PRELID2: variants seen among roughly 807,000 people sequenced by gnomAD.
PRELID2 encodes the protein PRELI domain-containing protein 2.
In PRELID2, 25 loss-of-function variants were observed where a neutral mutation model predicts 28.4. The ratio of observed to expected loss-of-function variants is 0.88; its 90% CI spans 0.64 to 1.23. The LOEUF is 1.23. Among genes scored for constraint, PRELID2 ranks in the 50% most tolerant of loss-of-function variants. The pLI is 0.00. For missense variants in PRELID2, 201 were observed against 214.4 expected (o/e 0.94, Z 0.39); for synonymous variants, 76 against 71.6 (o/e 1.06, Z -0.31).
chr5:145,487,472 T>C (rs1160773918), intron 1 of PRELID2, among the ~76,000 whole-genome samples: 1 of 152,194 alleles, frequency 6.6e-6, no homozygotes, highest in Non-Finnish European at 1.5e-5. Flanking sequence ...AGTAGTATCT[T>C]CCTCCAATAA....
chr5:145,624,247 T>G (rs1753814605), intron 1 of PRELID2, among the ~76,000 whole-genome samples: 1 of 152,158 alleles, frequency 6.6e-6, no homozygotes, highest in Non-Finnish European at 1.5e-5. Flanking sequence ...TCAGGAGTTT[T>G]TATGGCAGTT....
At chr5:145,656,723 A>G (rs2149674567) in intron 1 of PRELID2, among the ~76,000 whole-genome samples, 1 of 132,014 alleles carries the variant, frequency 7.6e-6, no homozygotes, top group Non-Finnish European at 1.6e-5. Flanking sequence ...GGACACAGGA[A>G]GGGGAACATC....
chr5:145,771,152 C>G (rs961786545), intron 5 of PRELID2, among the ~76,000 whole-genome samples: 3 of 151,806 alleles, frequency 2.0e-5, no homozygotes, highest in Non-Finnish European at 4.4e-5. Flanking sequence ...CATATGTTTA[C>G]TCTACTGTTT....
the PRELID2 span, among the ~76,000 whole-genome samples, chr5:145,335,481 A>G: frequency 6.6e-6 from 1 of 152,020 alleles, no homozygotes; most frequent in African/African-American, 2.4e-5. Context: ...CTTTAATGTC[A>G]ATTACTAAAA....
chr5:145,374,810 T>C, the PRELID2 span, among the ~76,000 whole-genome samples: 1 of 152,182 alleles, frequency 6.6e-6, no homozygotes, highest in Admixed American at 6.5e-5. Flanking sequence ...GAAGTTCTTG[T>C]TCTGTGTTTT....
chr5:145,522,081 A>T (rs1752567102), intron 1 of PRELID2, among the ~76,000 whole-genome samples: 1 of 152,192 alleles, frequency 6.6e-6, no homozygotes, highest in Non-Finnish European at 1.5e-5. Context: ...TGTACCTCCC[A>T]TCAAAAGATA....
At chr5:145,787,387 T>G (rs1465847669) in intron 5 of PRELID2, among the ~76,000 whole-genome samples, 1 of 152,108 alleles carries the variant, frequency 6.6e-6, no homozygotes, top group Non-Finnish European at 1.5e-5. Context: ...GTTTGGAAAT[T>G]TTTGGTTTGA....
chr5:145,601,795 T>C (rs62394191), intron 1 of PRELID2, among the ~76,000 whole-genome samples: 29,355 of 152,116 alleles, frequency 0.19, 5,014 homozygotes, highest in African/African-American at 0.45. Context: ...AAGTAACTTA[T>C]TGAGAGATAA....
At chr5:145,369,940 C>T in the PRELID2 span, among the ~76,000 whole-genome samples, 2 of 149,354 alleles carry the variant, frequency 1.3e-5, no homozygotes, top group Admixed American at 1.3e-4. Flanking sequence ...TGTTCATATA[C>T]TTTGCCCACG....
At chr5:145,765,057 C>T (rs1757665667) in intron 5 of PRELID2, 57 bp from the exon 6 acceptor site, 2 of 1,185,726 alleles carry the variant, frequency 1.7e-6, no homozygotes, top group Non-Finnish European at 2.4e-6. Flanking sequence ...AGTACTTTTA[C>T]ATTTATCACA....
At chr5:145,506,579 G>A (rs535907180) in intron 1 of PRELID2, among the ~76,000 whole-genome samples, 17 of 152,136 alleles carry the variant, frequency 1.1e-4, no homozygotes, top group South Asian at 8.3e-4. Context: ...AACTGTGAAA[G>A]CACTGAATTT....
chr5:145,789,820 A>T (rs1752246092), intron 5 of PRELID2, among the ~76,000 whole-genome samples: 1 of 152,222 alleles, frequency 6.6e-6, no homozygotes, highest in African/African-American at 2.4e-5. Context: ...CCCAATTAAG[A>T]AATGGGCAAA....
chr5:145,808,690 G>T (rs1284620997), intron 4 of PRELID2, among the ~76,000 whole-genome samples: 1 of 151,850 alleles, frequency 6.6e-6, no homozygotes. Context: ...TTCAAGACCG[G>T]CTGGACAACA....
In PRELID2 at chr5:145,756,433, G is replaced by A. The variant is rs79498657; in HGVS notation, c.*4103C>T. On this transcript the variant is annotated 3_prime_UTR_variant, in exon 7 of 7. Transcript: ENST00000683046. ...TATAGCTCTATATCACAATAACACT[G>A]AATCAGAAACACTTCATCCCACATA... is the stretch of plus-strand genomic sequence containing the variant. Among the ~76,000 whole-genome samples, 94 of 152,276 alleles carry A rather than the reference G, an allele frequency of 6.2e-4. No homozygotes were observed. In the East Asian group the frequency reaches 0.016, roughly 27 times the overall value.
At chr5:145,768,844 CT>C (rs1757933488) in intron 5 of PRELID2, among the ~76,000 whole-genome samples, 3 of 151,872 alleles carry the variant, frequency 2.0e-5, no homozygotes, top group African/African-American at 4.8e-5. Context: ...TTTTCCCCCC[CT>C]CTCATACCAC....
At chr5:145,496,582 T>C (rs1326686670) in intron 1 of PRELID2, among the ~76,000 whole-genome samples, 2 of 152,180 alleles carry the variant, frequency 1.3e-5, no homozygotes, top group Non-Finnish European at 2.9e-5. Context: ...ACCCAGCCAA[T>C]GATTGGGCAT....
chr5:145,390,312 A>G, the PRELID2 span, among the ~76,000 whole-genome samples: 1 of 152,226 alleles, frequency 6.6e-6, no homozygotes, highest in Non-Finnish European at 1.5e-5. Flanking sequence ...TATATACCAG[A>G]GACTAGGTAA....
chr5:145,698,592 C>T (rs76570913), intron 1 of PRELID2, among the ~76,000 whole-genome samples: 7,059 of 152,228 alleles, frequency 0.046, 579 homozygotes, highest in African/African-American at 0.16. Context: ...AGTGCCGTTT[C>T]GCTGTGTCCT....
downstream of PRELID2, among the ~76,000 whole-genome samples, chr5:145,752,344 T>G (rs1274299109): frequency 6.6e-6 from 1 of 152,226 alleles, no homozygotes; most frequent in Non-Finnish European, 1.5e-5. Context: ...CATACTGGAA[T>G]AGCTCCAATA....
Sources: allele counts gnomAD v4.1 joint callset (sites outside exome capture counted in the v4.1 genomes callset), GRCh38; gene constraint gnomAD v4.1.1; transcripts MANE v1.5; gene names NCBI Gene and HGNC (gene_info 2026-07-23, HGNC 2026-07-21).